Variants in SGSM1 observed in about 807,000 individuals in gnomAD.
SGSM1 encodes small G protein signaling modulator 1.
SGSM1 carries 73 observed loss-of-function variants against 133.8 expected under a neutral mutation model. The observed-to-expected ratio is 0.55, with a 90% CI of 0.45 to 0.66. SGSM1 has a LOEUF of 0.66. Ranked by LOEUF, SGSM1 falls within the 30% of genes least tolerant of loss-of-function variation. SGSM1 has a pLI of 0.00. For synonymous variants in SGSM1, 563 were observed against 573.0 expected (o/e 0.98, Z 0.25); for missense variants, 1,213 against 1,448.1 (o/e 0.84, Z 2.64).
chr22:24,894,060 AG>A (rs1932862813), intron 17 of SGSM1, among the ~76,000 whole-genome samples: 1 of 152,228 alleles, frequency 6.6e-6, no homozygotes. Flanking sequence ...CTGTCCTCCC[AG>A]AACTTCCAGT....
chr22:24,901,807 C>G, intron 19 of SGSM1, 26 bp from the exon 20 acceptor site: 1 of 1,609,242 alleles, frequency 6.2e-7, no homozygotes, highest in Non-Finnish European at 8.5e-7. Flanking sequence ...TTTCTTCCCC[C>G]TACCCCCTGC....
At position 24,876,557 on chromosome 22, in the gene SGSM1, C is replaced by G. The variant is rs1001397533; in HGVS notation, c.1292-20C>G. On this transcript the variant is annotated intron_variant, in intron 12 of 24. Transcript: ENST00000400358. ...GTTTAACCAGGGTGATTCTTCTGCC[C>G]CTCCTTCTATCCACCACAGTGCCCC... 6.2e-7 allele frequency: 1 copy of G among 1,613,684 alleles called. No individual in the cohort carries two copies. The highest frequency in any genetic ancestry group is 1.3e-5 in the African/African-American group (1 of 75,016).
chr22:24,873,760 G>T (rs1931880782), intron 12 of SGSM1, among the ~76,000 whole-genome samples: 1 of 152,160 alleles, frequency 6.6e-6, no homozygotes, highest in Non-Finnish European at 1.5e-5. Context: ...GACTGAGGAT[G>T]GAGGATCACT....
Position 24,924,683 on chromosome 22 carries a change from G to C in SGSM1, c.*409G>C. Reference sequence around the variant, plus strand: ...AAATTGGTGTAGAAGAGGTGTGTGGGGCTACCTCTATGCTCCTCTGCAAGG... The same window carrying C: ...AAATTGGTGTAGAAGAGGTGTGTGGCGCTACCTCTATGCTCCTCTGCAAGG... On this transcript the variant is annotated 3_prime_UTR_variant, in exon 25 of 25. Transcript: ENST00000400358. 1 of 213,910 alleles carries C rather than the reference G, an allele frequency of 4.7e-6. No individual in the cohort carries two copies. Among genetic ancestry groups the C allele is most frequent in the Non-Finnish European group, 9.4e-6 (1 of 106,370 alleles). 13.3% of individuals were successfully genotyped at this position (213,910 alleles called of 1,614,324 possible). A position where few individuals can be genotyped will look rare whatever the true frequency, so the allele number is the denominator to read the frequency against.
At position 24,846,041 on chromosome 22, in the gene SGSM1, C is replaced by CTT. The variant is rs11320292; in HGVS notation, c.139+1083_139+1084dup. Among the ~76,000 whole-genome samples the CTT allele has an allele frequency of 5.9e-3, 535 of 91,270 alleles. 54 individuals carry two copies. Among genetic ancestry groups the CTT allele is most frequent in the African/African-American group, 0.02 (425 of 21,354 alleles). The allele number at this position is 91,270 out of a possible 152,430, so 59.9% of individuals were successfully genotyped here. A position where few individuals can be genotyped will look rare whatever the true frequency, so the allele number is the denominator to read the frequency against. On this transcript the variant is annotated intron_variant, in intron 3 of 24. Transcript: ENST00000400358. ...TCTTTCTCTCTTTCTCTCTTTCTTT[C>CTT]TTTTTTTTTTTTTTTGAGACAGGAT...
rs1414338665 is a variant in SGSM1 at position 24,912,651 on chromosome 22, G to A, written c.2827G>A (p.Ala943Thr). 6.2e-7 allele frequency: 1 copy of A among 1,612,032 alleles called. No homozygotes were observed. The highest frequency in any genetic ancestry group is 1.3e-5 in the African/African-American group (1 of 74,910). The change falls in exon 22 of 25, where the codon GCC becomes ACC. Residue 943 changes from alanine (A) to threonine (T), a missense_variant. By Grantham distance (58) the Ala-to-Thr change is moderately conservative (BLOSUM62 0). Coordinates refer to ENST00000400358, the MANE Select transcript of SGSM1 (RefSeq NM_001098497.3). ...CTGTGATGCTTTCTCAGAGGCCCTTGCCTTCAGCTGCTTCACGGAGCTCAT... is the reference window on the plus strand; with the variant it reads ...CTGTGATGCTTTCTCAGAGGCCCTTACCTTCAGCTGCTTCACGGAGCTCAT... ...LLVILDDEAL[A>T]FSCFTELMKR...
rs749593476 is a variant in SGSM1, at chr22:24,821,289, G to A, written c.63+14805G>A. 7.2e-5 allele frequency among the ~76,000 whole-genome samples: 11 copies of A among 152,170 alleles called. No individual in the cohort carries two copies. In the East Asian group the frequency reaches 1.3e-3, roughly 19 times the overall value. ...TGACCTCAGGTCATCCACCCTCCTC[G>A]GCCTCCCAAAGTGCTGGGATTACAG... is the stretch of plus-strand genomic sequence containing the variant. On this transcript the variant is annotated intron_variant, in intron 2 of 24. Coordinates refer to ENST00000400358, the MANE Select transcript of SGSM1 (RefSeq NM_001098497.3).
intron 14 of SGSM1, among the ~76,000 whole-genome samples, chr22:24,881,419 A>G (rs1190629808): frequency 0.033 from 4,287 of 131,816 alleles, 151 homozygotes; most frequent in East Asian, 0.056. Context: ...ACAAAAAATT[A>G]GTCGGGTGTG....
intron 2 of SGSM1, among the ~76,000 whole-genome samples, chr22:24,825,700 G>T (rs1928759496): frequency 1.3e-5 from 2 of 152,212 alleles, no homozygotes; most frequent in African/African-American, 4.8e-5. Flanking sequence ...AAAGTGCTGG[G>T]ATTACAGGCG....
chr22:24,867,261 T>G (rs1931512466), intron 10 of SGSM1, 101 bp downstream of exon 10: 2 of 1,122,256 alleles, frequency 1.8e-6, no homozygotes, highest in Non-Finnish European at 2.6e-6. Context: ...AATGATATGG[T>G]GGACACCCCA....
chr22:24,908,893 C>A (rs1054973683), intron 21 of SGSM1, among the ~76,000 whole-genome samples: 9 of 152,206 alleles, frequency 5.9e-5, no homozygotes, highest in East Asian at 1.9e-4. Flanking sequence ...ATGCAAATGG[C>A]TAATATGCAA....
rs559106302 is a variant in SGSM1 at position 24,820,673 on chromosome 22, C to T, written c.63+14189C>T. On this transcript the variant is annotated intron_variant, in intron 2 of 24. Coordinates refer to ENST00000400358, the MANE Select transcript of SGSM1 (RefSeq NM_001098497.3). ...AGATGGAAGGGTGTGGCAGGAGTGG[C>T]GGGGGCACGTCTGTCCTAAAACTGC... 2.0e-5 allele frequency among the ~76,000 whole-genome samples: 3 copies of T among 152,174 alleles called. No individual in the cohort carries two copies. The East Asian group carries it at 5.8e-4, about 29-fold the overall frequency.
rs1933943944 is a variant in SGSM1 at position 24,919,823 on chromosome 22, C to A, written c.3026-3C>A. ...CTCCCCATGTGTGTTGGTGTCTTGGCAGAACTCGTCTATGATGACGTCTTC... is the reference window on the plus strand; with the variant it reads ...CTCCCCATGTGTGTTGGTGTCTTGGAAGAACTCGTCTATGATGACGTCTTC... On this transcript the variant is annotated splice_region_variant and splice_polypyrimidine_tract_variant and intron_variant, in intron 23 of 24. Transcript: ENST00000400358. 1 of 1,613,748 alleles carries A rather than the reference C, an allele frequency of 6.2e-7. No homozygotes were observed. Among genetic ancestry groups the A allele is most frequent in the Admixed American group, 1.7e-5 (1 of 60,014 alleles).
At chr22:24,911,733 G>A in intron 21 of SGSM1, among the ~76,000 whole-genome samples, 1 of 152,114 alleles carries the variant, frequency 6.6e-6, no homozygotes, top group East Asian at 1.9e-4. Flanking sequence ...GCAGCATCCT[G>A]CAAAAATACC....
chr22:24,905,991 A>G (rs959664755), intron 21 of SGSM1, among the ~76,000 whole-genome samples: 19 of 152,106 alleles, frequency 1.2e-4, no homozygotes, highest in Admixed American at 7.9e-4. Context: ...ATATCCTTCA[A>G]TAATACAAAT....
intron 4 of SGSM1, 56 bp downstream of exon 4, chr22:24,847,852 C>T (rs2147840185): frequency 1.3e-6 from 2 of 1,579,088 alleles, no homozygotes; most frequent in Middle Eastern, 1.7e-4. Context: ...GTCCACAGTC[C>T]TCCCTGGGTC....
At chr22:24,860,032 A>T (rs1295679863) in intron 9 of SGSM1, among the ~76,000 whole-genome samples, 192 bp downstream of exon 9, 1 of 152,116 alleles carries the variant, frequency 6.6e-6, no homozygotes, top group East Asian at 1.9e-4. Flanking sequence ...GCTTGAGAGG[A>T]CCTGGAAACC....
At chr22:24,847,838 A>G (rs71321014) in intron 4 of SGSM1, 42 bp downstream of exon 4, 5 of 1,600,246 alleles carry the variant, frequency 3.1e-6, no homozygotes, top group Non-Finnish European at 4.3e-6. Context: ...CAGCTCCCCC[A>G]ATAGTCCACA....
intron 3 of SGSM1, 99 bp downstream of exon 3, chr22:24,845,071 GT>G: frequency 8.6e-7 from 1 of 1,161,268 alleles, no homozygotes; most frequent in Admixed American, 2.2e-5. Flanking sequence ...TCTGAAGTTA[GT>G]TTTGGATTCC....
Sources: gnomAD v4.1 joint callset for allele counts (sites outside exome capture counted in the v4.1 genomes callset) on GRCh38, gnomAD v4.1.1 for gene constraint, MANE v1.5 for transcripts, NCBI Gene and HGNC (gene_info 2026-07-23, HGNC 2026-07-21) for gene names.